The following TRHDE variants were observed in gnomAD, a reference collection of about 807,000 sequenced individuals.
The protein encoded by TRHDE is thyrotropin-releasing hormone-degrading ectoenzyme.
TRHDE carries 72 observed loss-of-function variants against 125.7 expected under a neutral mutation model. That is an observed-to-expected ratio of 0.57 (90% CI 0.47 to 0.70). The LOEUF (loss-of-function observed/expected upper bound fraction) is 0.70, where lower values mean the gene tolerates loss of function less well. TRHDE is among the 30% of genes least tolerant of loss of function. The probability of loss-of-function intolerance (pLI) is 0.00; values close to 1 mark genes in which losing one functional copy is unlikely to be tolerated. For missense variants in TRHDE, 1,110 were observed against 1,327.1 expected, an observed-to-expected ratio of 0.84 and a Z score of 2.54; for synonymous variants, 509 against 509.1, an observed-to-expected ratio of 1.00 and a Z score of 0.00.
At chr12:72,294,262 G>T (rs1228768136) in intron 2 of TRHDE, among the ~76,000 whole-genome samples, 1 of 152,180 alleles carries the variant, frequency 6.6e-6, no homozygotes, top group Non-Finnish European at 1.5e-5. Flanking sequence ...TTCTTGTCCT[G>T]TGACCAGGAA....
intron 18 of TRHDE, among the ~76,000 whole-genome samples, chr12:72,661,462 T>C (rs1874913883): frequency 6.6e-6 from 1 of 152,172 alleles, no homozygotes; most frequent in African/African-American, 2.4e-5. Context: ...CTATAACATG[T>C]AAATAATGCC....
At chr12:72,660,509 A>T (rs943493252) in intron 18 of TRHDE, among the ~76,000 whole-genome samples, 1 of 152,176 alleles carries the variant, frequency 6.6e-6, no homozygotes, top group African/African-American at 2.4e-5. Context: ...AACGGCCCTT[A>T]TGCGGGCATG....
rs985449350 is a variant in TRHDE at position 72,640,438 on chromosome 12, G to A, written c.2676-11884G>A. On this transcript the variant is annotated intron_variant, in intron 15 of 18. Transcript: ENST00000261180. Reference sequence around the variant, plus strand: ...CTAGTGAGATGAACCCGGTACCTCAGATGGAAATGCAGAAATCACCCGTCT... The same window carrying A: ...CTAGTGAGATGAACCCGGTACCTCAAATGGAAATGCAGAAATCACCCGTCT... 2.6e-5 allele frequency among the ~76,000 whole-genome samples: 4 copies of A among 152,360 alleles called. No individual in the cohort carries two copies. The South Asian group carries it at 8.3e-4, about 32-fold the overall frequency.
chr12:72,173,734 G>A (rs1487803611), intron 2 of TRHDE, among the ~76,000 whole-genome samples: 1 of 152,120 alleles, frequency 6.6e-6, no homozygotes, highest in Non-Finnish European at 1.5e-5. Context: ...CATGTAGATT[G>A]AGCAGTTGTT....
At chr12:72,342,713 T>C (rs559373688) in intron 2 of TRHDE, among the ~76,000 whole-genome samples, 1 of 152,226 alleles carries the variant, frequency 6.6e-6, no homozygotes, top group East Asian at 1.9e-4. Context: ...GTTGTACATA[T>C]AGGAATTAGA....
intron 7 of TRHDE, among the ~76,000 whole-genome samples, chr12:72,544,762 A>G (rs1306770858): frequency 6.6e-6 from 1 of 151,550 alleles, no homozygotes; most frequent in African/African-American, 2.4e-5. Flanking sequence ...TTAAAAATAC[A>G]TACATGTATA....
intron 6 of TRHDE, among the ~76,000 whole-genome samples, chr12:72,527,600 A>C (rs12367579): frequency 0.13 from 20,342 of 151,264 alleles, 1,471 homozygotes; most frequent in Middle Eastern, 0.24. Context: ...AAAAAAAAAA[A>C]GACAAAATAA....
At chr12:72,173,309 C>A (rs1298050631) in intron 2 of TRHDE, among the ~76,000 whole-genome samples, 1 of 152,152 alleles carries the variant, frequency 6.6e-6, no homozygotes, top group Admixed American at 6.5e-5. Context: ...GGAGAGGTTG[C>A]TGTGACCTGA....
intron 3 of TRHDE, among the ~76,000 whole-genome samples, chr12:72,455,332 T>C (rs73344462): frequency 0.014 from 2,138 of 152,270 alleles, 51 homozygotes; most frequent in African/African-American, 0.048. Flanking sequence ...AACAACCAAC[T>C]GGTTATTTGG....
intron 12 of TRHDE, among the ~76,000 whole-genome samples, chr12:72,606,838 A>T (rs1822051376): frequency 1.3e-5 from 2 of 152,088 alleles, no homozygotes; most frequent in Admixed American, 1.3e-4. Context: ...AACCTTTTAT[A>T]CTATTTTGAA....
chr12:72,475,798 G>A lies in TRHDE; in HGVS notation c.1584+2618G>A, dbSNP rs1041577521. Among the ~76,000 whole-genome samples, 18 of 151,826 alleles carry A rather than the reference G, an allele frequency of 1.2e-4. 1 individual carries two copies. The highest frequency in any genetic ancestry group is 2.2e-4 in the African/African-American group (9 of 41,342). On this transcript the variant is annotated intron_variant, in intron 5 of 18. Transcript: ENST00000261180. ...TGAAAACTAACAACAGAATAATTAC[G>A]GTGTCACAGAAAACTCATCCTATTA...
At chr12:72,615,422 C>T (rs948568187) in intron 12 of TRHDE, among the ~76,000 whole-genome samples, 16 of 152,070 alleles carry the variant, frequency 1.1e-4, no homozygotes, top group Non-Finnish European at 1.6e-4. Flanking sequence ...ACATACTTTC[C>T]TATATTGATT....
chr12:72,595,328 T>C (rs1871889719), intron 12 of TRHDE, among the ~76,000 whole-genome samples: 1 of 151,562 alleles, frequency 6.6e-6, no homozygotes, highest in African/African-American at 2.4e-5. Context: ...TTTTTGTACA[T>C]GAATTTTTTT....
chr12:72,449,167 A>G (rs768818566), intron 3 of TRHDE, among the ~76,000 whole-genome samples: 7 of 152,102 alleles, frequency 4.6e-5, no homozygotes, highest in Non-Finnish European at 8.8e-5. Flanking sequence ...ATAATATACC[A>G]TACTAAAGAA....
chr12:72,469,729 C>T (rs760400511), intron 3 of TRHDE, 29 bp from the exon 4 acceptor site: 1 of 1,607,800 alleles, frequency 6.2e-7, no homozygotes, highest in Non-Finnish European at 8.5e-7. Context: ...TTTGTTAAAG[C>T]CTTTGGAACT....
chr12:72,272,785 G>A lies in TRHDE; in HGVS notation c.142G>A (p.Glu48Lys), dbSNP rs761583747. 1 of 1,558,462 alleles carries A rather than the reference G, an allele frequency of 6.4e-7. No individual in the cohort carries two copies. The highest frequency in any genetic ancestry group is 8.7e-7 in the Non-Finnish European group (1 of 1,154,484). ...CTCACCCTTCGCAGCCGCGATGGGG[G>A]AAGACGACGCCGCGCTTCGGGCTGG... ...SSSPFAAAMG[E>K]DDAALRAGSR... is the part of the protein sequence containing the mutation. Residue 48 changes from glutamate to lysine, a missense_variant, in exon 1 of 19, where the codon GAA becomes AAA. Transcript: ENST00000261180. This position sits in a 1 kb window ranked among gnomAD's most constrained non-coding sequence, Gnocchi z 6.7.
intron 2 of TRHDE, among the ~76,000 whole-genome samples, chr12:72,312,668 A>G (rs1592536914): frequency 6.6e-6 from 1 of 152,210 alleles, no homozygotes; most frequent in East Asian, 1.9e-4. Context: ...ACCAGATTTC[A>G]TTGGGCTATA....
intron 6 of TRHDE, among the ~76,000 whole-genome samples, chr12:72,524,813 C>G (rs931002461): frequency 3.9e-5 from 6 of 152,218 alleles, no homozygotes; most frequent in South Asian, 4.1e-4. Context: ...AAAGCTTCTA[C>G]TATAAGAGGA....
chr12:72,374,472 T>G (rs1871782195), intron 2 of TRHDE, among the ~76,000 whole-genome samples: 5 of 152,044 alleles, frequency 3.3e-5, no homozygotes. Context: ...TACATGACAT[T>G]TATGGCCATG....
Sources: gnomAD v4.1 joint callset for allele counts (sites outside exome capture counted in the v4.1 genomes callset) on GRCh38, gnomAD v4.1.1 for gene constraint, Gnocchi (gnomAD v3.1) non-coding constraint, MANE v1.5 for transcripts, NCBI Gene and HGNC (gene_info 2026-07-23, HGNC 2026-07-21) for gene names.